The following LRBA variants were observed in gnomAD, a reference collection of about 807,000 sequenced individuals.
The protein encoded by LRBA is LPS responsive beige-like anchor protein.
LRBA carries 176 observed loss-of-function variants against 330.0 expected under a neutral mutation model. The ratio of observed to expected loss-of-function variants is 0.53; its 90% CI spans 0.47 to 0.60. The LOEUF is 0.60. Ranked by LOEUF, LRBA falls within the 20% of genes least tolerant of loss-of-function variation. The probability of loss-of-function intolerance (pLI) is 0.00; values close to 1 mark genes in which losing one functional copy is unlikely to be tolerated. For missense variants in LRBA, 3,259 were observed against 3,444.8 expected (o/e 0.95, Z 1.35); for synonymous variants, 1,230 against 1,193.0 (o/e 1.03, Z -0.64).
rs931741757 is a variant in LRBA at position 150,467,845 on chromosome 4, G to A, written c.6668-60C>T. The A allele has an allele frequency of 5.4e-6, 4 of 742,000 alleles. No homozygotes were observed. In the African/African-American group the frequency reaches 7.4e-5, roughly 14 times the overall value. 46.0% of individuals were successfully genotyped at this position (742,000 alleles called of 1,614,324 possible). ...TTTAAAAGTGAAATAAACAGATTCA[G>A]TAATATAATTTACTAAAAATAAGAT... is the stretch of plus-strand genomic sequence containing the variant. On this transcript the variant is annotated intron_variant, in intron 43 of 56. Transcript: ENST00000651943.
intron 47 of LRBA, among the ~76,000 whole-genome samples, chr4:150,365,989 C>T (rs1739418954): frequency 6.6e-6 from 1 of 152,088 alleles, no homozygotes; most frequent in African/African-American, 2.4e-5. Flanking sequence ...ACCTTAAATA[C>T]TTCCACGTAA....
chr4:150,442,888 G>A (rs1289165170), intron 44 of LRBA, among the ~76,000 whole-genome samples: 1 of 152,174 alleles, frequency 6.6e-6, no homozygotes, highest in Non-Finnish European at 1.5e-5. Context: ...GGTCATTCTT[G>A]ATTAGGGAAT....
At chr4:150,963,714 G>A (rs1322802864) in intron 2 of LRBA, among the ~76,000 whole-genome samples, 4 of 145,464 alleles carry the variant, frequency 2.7e-5, no homozygotes, top group Non-Finnish European at 3.0e-5. Context: ...GCCTCTTCCC[G>A]GCCGCCACCC....
chr4:150,844,860 A>G, intron 26 of LRBA, 81 bp from the exon 27 acceptor site: 2 of 1,098,854 alleles, frequency 1.8e-6, no homozygotes, highest in South Asian at 2.7e-5. Context: ...CAACTACACA[A>G]TATGATTTAC....
intron 40 of LRBA, among the ~76,000 whole-genome samples, chr4:150,562,451 G>A (rs1207622665): frequency 1.3e-5 from 2 of 152,134 alleles, no homozygotes; most frequent in African/African-American, 2.4e-5. Flanking sequence ...TAATGGCAAT[G>A]TAAGTACATA....
chr4:150,331,482 C>T (rs1053003018), intron 48 of LRBA, among the ~76,000 whole-genome samples: 1 of 152,138 alleles, frequency 6.6e-6, no homozygotes, highest in African/African-American at 2.4e-5. Flanking sequence ...AATGAATCCC[C>T]ACATATCCAT....
chr4:150,319,722 G>A (rs969302220), intron 50 of LRBA, among the ~76,000 whole-genome samples: 7 of 151,976 alleles, frequency 4.6e-5, no homozygotes, highest in African/African-American at 1.7e-4. Flanking sequence ...AATATACCCA[G>A]GAAAATGGCT....
chr4:150,823,468 T>C (rs1745765529), intron 30 of LRBA, among the ~76,000 whole-genome samples: 1 of 152,164 alleles, frequency 6.6e-6, no homozygotes, highest in Non-Finnish European at 1.5e-5. Context: ...TGTAGCTTGA[T>C]GTGATCTCAT....
chr4:150,285,795 T>C (rs564774507), intron 54 of LRBA, 138 bp downstream of exon 54: 9 of 470,886 alleles, frequency 1.9e-5, no homozygotes, highest in African/African-American at 1.8e-4. Flanking sequence ...TTTTAAATAA[T>C]TTAAATAGTT....
intron 46 of LRBA, among the ~76,000 whole-genome samples, chr4:150,428,395 A>G (rs2151977695): frequency 6.6e-6 from 1 of 152,182 alleles, no homozygotes. Context: ...ATCATTAACA[A>G]CTTGTGGTCA....
At position 150,987,373 on chromosome 4, in the gene LRBA, T is replaced by C. The variant is rs541076203; in HGVS notation, c.216+27054A>G. On this transcript the variant is annotated intron_variant, in intron 2 of 56. Coordinates refer to ENST00000651943, the MANE Select transcript of LRBA (RefSeq NM_001364905.1). ...AATAAGGTACTTACAGAAGTATGCA[T>C]ATAAATCTCTACTAGAAAGGATAAA... 6.0e-4 allele frequency among the ~76,000 whole-genome samples: 92 copies of C among 152,332 alleles called. 1 individual carries two copies. Among genetic ancestry groups the C allele is most frequent in the African/African-American group, 2.1e-3 (89 of 41,578 alleles).
At chr4:150,953,960 GCCTCTGCC>G (rs1388777584) in intron 2 of LRBA, among the ~76,000 whole-genome samples, 97 of 13,180 alleles carry the variant, frequency 7.4e-3, no homozygotes, top group East Asian at 0.018. Context: ...TGTGGGGAGC[GCCTCTGCC>G]CCGCCACCCC....
intron 44 of LRBA, among the ~76,000 whole-genome samples, chr4:150,443,050 T>C (rs762344403): frequency 1.3e-5 from 2 of 152,120 alleles, no homozygotes; most frequent in Non-Finnish European, 2.9e-5. Flanking sequence ...CAACAACTCT[T>C]AATACAAAGA....
At chr4:150,688,546 A>G (rs1472824548) in intron 36 of LRBA, among the ~76,000 whole-genome samples, 4 of 152,222 alleles carry the variant, frequency 2.6e-5, no homozygotes, top group Non-Finnish European at 5.9e-5. Flanking sequence ...AATTTTTCCA[A>G]TCTATCCATC....
At chr4:150,268,198 A>G (rs1370162669) in intron 56 of LRBA, among the ~76,000 whole-genome samples, 5 of 152,218 alleles carry the variant, frequency 3.3e-5, no homozygotes, top group African/African-American at 1.2e-4. Context: ...GATGAAATAG[A>G]CAAATTCCTG....
intron 40 of LRBA, among the ~76,000 whole-genome samples, chr4:150,526,518 A>C (rs1469593576): frequency 1.3e-5 from 2 of 152,200 alleles, no homozygotes; most frequent in Non-Finnish European, 2.9e-5. Context: ...TCTCAATAAA[A>C]AGATGGATAA....
At chr4:150,697,219 GA>G (rs1666529850) in intron 36 of LRBA, among the ~76,000 whole-genome samples, 1 of 148,432 alleles carries the variant, frequency 6.7e-6, no homozygotes, top group Non-Finnish European at 1.5e-5. Flanking sequence ...CAGCTACTCA[GA>G]AGGCTGAGGC....
intron 21 of LRBA, 23 bp downstream of exon 21, chr4:150,868,158 TA>T: frequency 6.3e-7 from 1 of 1,589,718 alleles, no homozygotes; most frequent in Non-Finnish European, 8.6e-7. Context: ...ATACTGCAAA[TA>T]AATGCTTTCT....
chr4:150,907,147 G>A (rs980273141), intron 11 of LRBA, among the ~76,000 whole-genome samples: 1 of 144,744 alleles, frequency 6.9e-6, no homozygotes, highest in African/African-American at 2.6e-5. Flanking sequence ...AAAAAAAAGA[G>A]AGAGAGAGAG....
Sources: allele counts gnomAD v4.1 joint callset (sites outside exome capture counted in the v4.1 genomes callset), GRCh38; gene constraint gnomAD v4.1.1; transcripts MANE v1.5; gene names NCBI Gene and HGNC (gene_info 2026-07-23, HGNC 2026-07-21).